The following CDH18 variants were observed in gnomAD, a reference collection of about 807,000 sequenced individuals.
CDH18 encodes the protein cadherin-18.
A neutral mutation model predicts 67.9 loss-of-function variants in CDH18; 31 were observed. That is an observed-to-expected ratio of 0.46 (90% confidence interval 0.34 to 0.62). The LOEUF is 0.62. CDH18 is among the 20% of genes least tolerant of loss of function. CDH18 has a pLI of 0.01. For missense variants in CDH18, 890 were observed against 975.5 expected, an observed-to-expected ratio of 0.91 and a Z score of 1.17; for synonymous variants, 362 against 347.2, an observed-to-expected ratio of 1.04 and a Z score of -0.48.
intron 5 of CDH18, among the ~76,000 whole-genome samples, chr5:19,713,749 C>A (rs901752311): frequency 3.3e-5 from 5 of 152,074 alleles, no homozygotes; most frequent in Non-Finnish European, 5.9e-5. Flanking sequence ...TTGATTCCCC[C>A]AAATAGCAAA....
At chr5:20,279,947 C>T in intron 1 of CDH18, among the ~76,000 whole-genome samples, 1 of 151,828 alleles carries the variant, frequency 6.6e-6, no homozygotes, top group Non-Finnish European at 1.5e-5. Context: ...ACAGATAACT[C>T]TCAAGTATAG....
At chr5:19,968,085 T>C (rs994850237) in intron 2 of CDH18, among the ~76,000 whole-genome samples, 3 of 151,096 alleles carry the variant, frequency 2.0e-5, no homozygotes, top group Admixed American at 6.6e-5. Context: ...TGAACTCCCA[T>C]TCACAATTGC....
intron 2 of CDH18, among the ~76,000 whole-genome samples, chr5:20,190,574 C>G (rs1738457798): frequency 6.6e-6 from 1 of 152,044 alleles, no homozygotes; most frequent in Non-Finnish European, 1.5e-5. Flanking sequence ...CAGTTGCTGG[C>G]TCAGTTAATG....
intron 1 of CDH18, among the ~76,000 whole-genome samples, chr5:20,431,631 C>A (rs1207451690): frequency 6.6e-6 from 1 of 152,094 alleles, no homozygotes; most frequent in Non-Finnish European, 1.5e-5. Flanking sequence ...AATGCCTCAT[C>A]ACACTATGCC....
chr5:19,536,288 T>C (rs1355177615), intron 9 of CDH18, among the ~76,000 whole-genome samples: 1 of 152,206 alleles, frequency 6.6e-6, no homozygotes, highest in East Asian at 1.9e-4. Flanking sequence ...GTCTAAGTTG[T>C]TGAAAAACTT....
At chr5:19,641,933 T>A (rs753842870) in intron 5 of CDH18, among the ~76,000 whole-genome samples, 6 of 151,912 alleles carry the variant, frequency 3.9e-5, no homozygotes, top group Non-Finnish European at 8.8e-5. Context: ...TGCATATATG[T>A]AGAGGTACTA....
At chr5:20,397,123 T>A (rs2150124065) in intron 1 of CDH18, among the ~76,000 whole-genome samples, 1 of 152,256 alleles carries the variant, frequency 6.6e-6, no homozygotes, top group Non-Finnish European at 1.5e-5. Context: ...TTTTTGTTTT[T>A]GTTTTTTGTG....
At chr5:20,329,757 C>T (rs919920776) in intron 1 of CDH18, among the ~76,000 whole-genome samples, 98 of 85,550 alleles carry the variant, frequency 1.1e-3, no homozygotes, top group African/African-American at 4.4e-3. Flanking sequence ...GCAACAAGAG[C>T]GAAACTCCAT....
chr5:19,629,207 T>G (rs1752041949), intron 5 of CDH18, among the ~76,000 whole-genome samples: 1 of 152,174 alleles, frequency 6.6e-6, no homozygotes, highest in Non-Finnish European at 1.5e-5. Flanking sequence ...CTAATGACAC[T>G]CAGGTATTTG....
chr5:20,399,992 A>C (rs1745623801), intron 1 of CDH18, among the ~76,000 whole-genome samples: 1 of 152,178 alleles, frequency 6.6e-6, no homozygotes, highest in African/African-American at 2.4e-5. Context: ...GAAATGTTTA[A>C]CTTCATATTT....
intron 2 of CDH18, among the ~76,000 whole-genome samples, chr5:20,093,260 T>C (rs1745601933): frequency 6.6e-6 from 1 of 151,696 alleles, no homozygotes; most frequent in South Asian, 2.1e-4. Context: ...CTCACACGAA[T>C]ATATTAACAT....
chr5:20,507,113 G>T (rs999818731), intron 1 of CDH18, among the ~76,000 whole-genome samples: 2 of 152,202 alleles, frequency 1.3e-5, no homozygotes, highest in Non-Finnish European at 2.9e-5. Flanking sequence ...ATCTTTGTCA[G>T]CCATGTGAGA....
At chr5:19,719,060 C>T (rs965732299) in intron 5 of CDH18, among the ~76,000 whole-genome samples, 1 of 152,006 alleles carries the variant, frequency 6.6e-6, no homozygotes, top group African/African-American at 2.4e-5. Context: ...AGTGCATACA[C>T]ATACATGTAT....
intron 11 of CDH18, among the ~76,000 whole-genome samples, chr5:19,484,889 G>A (rs1740112952): frequency 6.6e-6 from 1 of 152,140 alleles, no homozygotes; most frequent in Non-Finnish European, 1.5e-5. Flanking sequence ...CTACATCTAT[G>A]AGTTAATTAT....
intron 1 of CDH18, among the ~76,000 whole-genome samples, chr5:20,299,757 C>A (rs1464252852): frequency 0.022 from 2,409 of 107,190 alleles, no homozygotes; most frequent in African/African-American, 0.023. Context: ...GGCTCTGTCT[C>A]AAAAAAAAAA....
rs570072947 is a variant in CDH18, at chr5:20,267,477, C to A, written c.-579-11972G>T. Among the ~76,000 whole-genome samples, 34 of 151,920 alleles carry A rather than the reference C, an allele frequency of 2.2e-4. No homozygotes were observed. The South Asian group carries it at 5.6e-3, about 25-fold the overall frequency. The stretch of plus-strand genomic sequence containing the variant: ...TTTTTCTAATTCTGTGAAAAATGAT[C>A]TTGGCATTTTGATAGGGATTGTATT... On this transcript the variant is annotated intron_variant, in intron 1 of 14. Coordinates refer to the CDH18 transcript ENST00000507958.
At chr5:19,787,151 T>A (rs1288028443) in intron 3 of CDH18, among the ~76,000 whole-genome samples, 2 of 152,140 alleles carry the variant, frequency 1.3e-5, no homozygotes, top group Non-Finnish European at 2.9e-5. Context: ...TGAGATATCT[T>A]TGCCTTGGCC....
chr5:19,716,821 G>A (rs1765397062), intron 5 of CDH18, among the ~76,000 whole-genome samples: 3 of 151,920 alleles, frequency 2.0e-5, no homozygotes, highest in African/African-American at 7.2e-5. Context: ...ATTAAATGTA[G>A]AATGTATCAA....
chr5:20,367,395 C>T (rs1742609364), intron 1 of CDH18, among the ~76,000 whole-genome samples: 1 of 152,176 alleles, frequency 6.6e-6, no homozygotes, highest in East Asian at 1.9e-4. Flanking sequence ...CTTTCGCTGG[C>T]TGGCCAGATC....
Sources: allele counts gnomAD v4.1 joint callset (sites outside exome capture counted in the v4.1 genomes callset), GRCh38; gene constraint gnomAD v4.1.1; transcripts MANE v1.5; gene names NCBI Gene and HGNC (gene_info 2026-07-23, HGNC 2026-07-21).